TTC29: variants seen among roughly 807,000 people sequenced by gnomAD.
TTC29 encodes the protein tetratricopeptide repeat domain 29.
In TTC29, 49 loss-of-function variants were observed where a neutral mutation model predicts 58.1. That is an observed-to-expected ratio of 0.84 (90% CI 0.67 to 1.07). The LOEUF (loss-of-function observed/expected upper bound fraction) is 1.07. Among genes scored for constraint, TTC29 ranks in the 50% least tolerant of loss-of-function variants. The pLI is 0.00. For missense variants in TTC29, 582 were observed against 555.6 expected (o/e 1.05, Z -0.48); for synonymous variants, 209 against 196.8 (o/e 1.06, Z -0.52).
At chr4:146,774,094 G>T (rs1747921108) in intron 11 of TTC29, among the ~76,000 whole-genome samples, 1 of 151,880 alleles carries the variant, frequency 6.6e-6, no homozygotes, top group African/African-American at 2.4e-5. Flanking sequence ...TGACTCATTT[G>T]TCATTTCTGA....
At chr4:146,919,811 A>C (rs1734466568) in intron 4 of TTC29, among the ~76,000 whole-genome samples, 1 of 151,210 alleles carries the variant, frequency 6.6e-6, no homozygotes. Flanking sequence ...ACATTCAGGG[A>C]AATATCAAAC....
At chr4:146,801,651 G>C (rs1331274276) in intron 11 of TTC29, among the ~76,000 whole-genome samples, 8 of 151,932 alleles carry the variant, frequency 5.3e-5, no homozygotes. Flanking sequence ...AACATAAAAA[G>C]TATAGAAAAA....
rs548238063 is a variant in TTC29 at position 146,748,051 on chromosome 4, G to A, written c.1331-40500C>T. Among the ~76,000 whole-genome samples, 10 of 152,304 alleles carry A rather than the reference G, an allele frequency of 6.6e-5. No individual in the cohort carries two copies. In the East Asian group the frequency reaches 1.4e-3, roughly 21 times the overall value. On this transcript the variant is annotated intron_variant, in intron 11 of 12. Coordinates refer to ENST00000325106, the MANE Select transcript of TTC29 (RefSeq NM_031956.4). The stretch of plus-strand genomic sequence containing the variant: ...CTCACAGAGCCTAGGCTACTGCCAC[G>A]TCCCACCATTCCAGGGTCCAGATTC...
chr4:146,737,851 C>A (rs570209765), intron 11 of TTC29, among the ~76,000 whole-genome samples: 7 of 152,240 alleles, frequency 4.6e-5, no homozygotes, highest in African/African-American at 1.2e-4. Context: ...TCCCTCCCCC[C>A]TGATGCAGTG....
In TTC29 at chr4:146,871,381, T is replaced by C. The variant is rs181997459; in HGVS notation, c.799+3335A>G. Among the ~76,000 whole-genome samples the C allele has an allele frequency of 2.1e-3, 315 of 152,016 alleles. 3 individuals carry two copies. The highest frequency in any genetic ancestry group is 3.8e-3 in the Non-Finnish European group (256 of 67,854). ...ACAAAAAAACCCTCAGTAAATATCA[T>C]ACTTCTGTTTAAAACTGTTGCACTA... On this transcript the variant is annotated intron_variant, in intron 7 of 12. Transcript: ENST00000325106.
At chr4:146,917,915 AT>A (rs1456570815) in intron 4 of TTC29, among the ~76,000 whole-genome samples, 4 of 150,278 alleles carry the variant, frequency 2.7e-5, no homozygotes, top group Non-Finnish European at 4.5e-5. Flanking sequence ...CAATATAAAA[AT>A]ATTACCAAAA....
intron 7 of TTC29, among the ~76,000 whole-genome samples, chr4:146,870,597 C>A (rs985772229): frequency 1.1e-4 from 17 of 151,272 alleles, no homozygotes; most frequent in African/African-American, 3.4e-4. Context: ...TTTAGTTAGA[C>A]CAAACAAAAA....
At chr4:146,876,557 T>G (rs564592113) in intron 6 of TTC29, among the ~76,000 whole-genome samples, 1 of 152,314 alleles carries the variant, frequency 6.6e-6, no homozygotes, top group African/African-American at 2.4e-5. Context: ...GAATGAGTAT[T>G]AAAGAATGCA....
chr4:146,769,245 T>G (rs1409225540), intron 11 of TTC29, among the ~76,000 whole-genome samples: 2 of 152,030 alleles, frequency 1.3e-5, no homozygotes, highest in East Asian at 3.9e-4. Flanking sequence ...TGTCAATCTT[T>G]TGCTGTAGTG....
intron 10 of TTC29, among the ~76,000 whole-genome samples, chr4:146,810,076 T>A (rs1750909246): frequency 6.6e-6 from 1 of 152,158 alleles, no homozygotes; most frequent in Non-Finnish European, 1.5e-5. Context: ...TGGAATACTA[T>A]GCAGCTATAA....
At chr4:146,723,905 G>C (rs965717735) in intron 11 of TTC29, among the ~76,000 whole-genome samples, 1 of 152,084 alleles carries the variant, frequency 6.6e-6, no homozygotes, top group South Asian at 2.1e-4. Flanking sequence ...ATAAATTGTT[G>C]TACCAAAAGA....
chr4:146,786,082 T>A (rs1748990517), intron 11 of TTC29, among the ~76,000 whole-genome samples: 1 of 152,118 alleles, frequency 6.6e-6, no homozygotes, highest in Non-Finnish European at 1.5e-5. Context: ...GTGAATTACC[T>A]AAGAGGCTTG....
At chr4:146,725,552 G>A (rs1743723207) in intron 11 of TTC29, among the ~76,000 whole-genome samples, 1 of 151,954 alleles carries the variant, frequency 6.6e-6, no homozygotes, top group Admixed American at 6.6e-5. Flanking sequence ...AACAGTTACT[G>A]GAAAAAAGGC....
intron 11 of TTC29, among the ~76,000 whole-genome samples, chr4:146,723,189 C>G (rs868807872): frequency 2.6e-5 from 4 of 151,772 alleles, no homozygotes; most frequent in Middle Eastern, 6.8e-3. Flanking sequence ...GGAGGTTGCA[C>G]TGAGCCAAGA....
At chr4:146,837,615 A>G (rs758519822) in intron 8 of TTC29, among the ~76,000 whole-genome samples, 5 of 152,094 alleles carry the variant, frequency 3.3e-5, no homozygotes, top group Admixed American at 6.6e-5. Flanking sequence ...ATCACTAGAC[A>G]AAGAGTGGAA....
chr4:146,755,452 C>T (rs1467318955), intron 11 of TTC29, among the ~76,000 whole-genome samples: 1 of 152,126 alleles, frequency 6.6e-6, no homozygotes, highest in Admixed American at 6.5e-5. Flanking sequence ...GGAAGCATCA[C>T]ACTTTCTCGT....
intron 11 of TTC29, among the ~76,000 whole-genome samples, chr4:146,787,897 C>CCT (rs1554014426): frequency 5.4e-5 from 8 of 149,076 alleles, no homozygotes; most frequent in South Asian, 2.1e-4. Flanking sequence ...AATCTGCCCC[C>CCT]TTTTTTTTTT....
intron 5 of TTC29, among the ~76,000 whole-genome samples, chr4:146,907,692 T>G (rs6811172): frequency 0.47 from 71,592 of 151,794 alleles, 17,695 homozygotes; most frequent in African/African-American, 0.6. Context: ...TAGAGACGGG[T>G]TTTCACCATG....
chr4:146,708,907 G>A (rs567549773), intron 11 of TTC29, among the ~76,000 whole-genome samples: 23 of 151,782 alleles, frequency 1.5e-4, no homozygotes, highest in African/African-American at 4.8e-4. Flanking sequence ...TGATTTTCTC[G>A]GTCTTCTCAC....
Sources: gnomAD v4.1 joint callset for allele counts (sites outside exome capture counted in the v4.1 genomes callset) on GRCh38, gnomAD v4.1.1 for gene constraint, MANE v1.5 for transcripts, NCBI Gene and HGNC (gene_info 2026-07-23, HGNC 2026-07-21) for gene names.